SLC35A1: variants seen among roughly 807,000 people sequenced by gnomAD.
The protein encoded by SLC35A1 is CMP-sialic acid transporter.
SLC35A1 carries 21 observed loss-of-function variants against 40.3 expected under a neutral mutation model. That is an observed-to-expected ratio of 0.52 (90% CI 0.37 to 0.75). The LOEUF (loss-of-function observed/expected upper bound fraction) is 0.75, where lower values mean the gene tolerates loss of function less well. Ranked by LOEUF, SLC35A1 falls within the 30% of genes least tolerant of loss-of-function variation. SLC35A1 has a pLI of 0.00. For missense variants in SLC35A1, 297 were observed against 382.1 expected (o/e 0.78, Z 1.86); for synonymous variants, 146 against 147.3 (o/e 0.99, Z 0.06).
rs1010727713 is a variant in SLC35A1 at position 87,477,222 on chromosome 6, GA to G, written c.17-133del. 19 of 724,230 alleles carry G rather than the reference GA, an allele frequency of 2.6e-5. No homozygotes were observed. The East Asian group carries it at 4.6e-4, about 18-fold the overall frequency. 44.9% of individuals were successfully genotyped at this position (724,230 alleles called of 1,614,324 possible). A position where few individuals can be genotyped will look rare whatever the true frequency, so the allele number is the denominator to read the frequency against. On this transcript the variant is annotated intron_variant, in intron 1 of 7. Coordinates refer to ENST00000369552, the MANE Select transcript of SLC35A1 (RefSeq NM_006416.5). The stretch of plus-strand genomic sequence containing the variant: ...TCATGTAATTGGCAAACATTGTTTT[GA>G]AAAAAATTTTTAAGCATGAGTTTTA...
chr6:87,480,496 A>G (rs1190302080), intron 2 of SLC35A1, among the ~76,000 whole-genome samples: 2 of 152,206 alleles, frequency 1.3e-5, no homozygotes, highest in African/African-American at 4.8e-5. Context: ...GTCAATAGCT[A>G]TGGTTTGCCT....
chr6:87,506,505 T>C, intron 5 of SLC35A1, 57 bp downstream of exon 5: 1 of 1,294,238 alleles, frequency 7.7e-7, no homozygotes, highest in Non-Finnish European at 1.1e-6. Flanking sequence ...AACATCAAAC[T>C]TTAGACACCA....
intron 2 of SLC35A1, among the ~76,000 whole-genome samples, chr6:87,493,480 G>A (rs1022063231): frequency 6.7e-6 from 1 of 150,344 alleles, no homozygotes; most frequent in East Asian, 2.0e-4. Context: ...GTGTGTGTGT[G>A]TGTATAACAA....
intron 2 of SLC35A1, among the ~76,000 whole-genome samples, chr6:87,497,704 C>T (rs1430640694): frequency 6.6e-6 from 1 of 151,906 alleles, no homozygotes; most frequent in Non-Finnish European, 1.5e-5. Flanking sequence ...CGTTTGTTAC[C>T]AGTGAAGGCT....
intron 2 of SLC35A1, among the ~76,000 whole-genome samples, chr6:87,486,454 A>T (rs1431506583): frequency 6.6e-6 from 1 of 152,226 alleles, no homozygotes; most frequent in East Asian, 1.9e-4. Context: ...GAAAATACCT[A>T]TCAAACCTCA....
intron 2 of SLC35A1, among the ~76,000 whole-genome samples, chr6:87,493,577 A>G (rs1769624863): frequency 6.6e-6 from 1 of 152,074 alleles, no homozygotes; most frequent in African/African-American, 2.4e-5. Context: ...TTGTTCCCTT[A>G]TCTAATGGTG....
chr6:87,500,611 G>C lies in SLC35A1; in HGVS notation c.298G>C (p.Val100Leu). Residue 100 changes from valine (V) to leucine (L), a missense_variant, in exon 3 of 8, where the codon GTT (valine) becomes CTT (leucine). Physicochemically the swap from Val to Leu is conservative, Grantham distance 32. Transcript: ENST00000369552. Reference protein sequence around the residue: ...KLSVPSLVYAVQNNMAFLALS... With the variant: ...KLSVPSLVYALQNNMAFLALS... ...AAGTGTGCCATCGTTAGTGTATGCT[G>C]TTCAGAACAACATGGCTTTCCTAGC... 1.9e-6 allele frequency: 3 copies of C among 1,614,166 alleles called. No homozygotes were observed. The highest frequency in any genetic ancestry group is 2.2e-5 in the South Asian group (2 of 91,082).
chr6:87,485,734 G>C (rs1207038004), intron 2 of SLC35A1, among the ~76,000 whole-genome samples: 1 of 151,868 alleles, frequency 6.6e-6, no homozygotes, highest in Non-Finnish European at 1.5e-5. Context: ...ACTCTAGCCT[G>C]GGCAACAGAG....
chr6:87,491,906 A>G (rs1044973472), intron 2 of SLC35A1, among the ~76,000 whole-genome samples: 5 of 152,210 alleles, frequency 3.3e-5, no homozygotes, highest in Admixed American at 1.3e-4. Context: ...TCCAAATACT[A>G]ATCACATTTG....
rs1260139940 is a variant in SLC35A1 at position 87,511,772 on chromosome 6, A to G, written c.*246A>G. 1.9e-5 allele frequency: 9 copies of G among 484,312 alleles called. No individual in the cohort carries two copies. The highest frequency in any genetic ancestry group is 2.6e-5 in the Non-Finnish European group (7 of 265,830). The allele number at this position is 484,312 out of a possible 1,614,324, so 30.0% of individuals were successfully genotyped here. The stretch of plus-strand genomic sequence containing the variant: ...GAAGGAATTGTATTATTGTGTGTAT[A>G]TATAATTTGTAAATAAAAAGTATGG... On this transcript the variant is annotated 3_prime_UTR_variant, in exon 8 of 8. Transcript: ENST00000369552.
At chr6:87,473,701 T>C (rs1228676777) in intron 1 of SLC35A1, among the ~76,000 whole-genome samples, 1 of 152,202 alleles carries the variant, frequency 6.6e-6, no homozygotes, top group African/African-American at 2.4e-5. Flanking sequence ...TGTTGACTAA[T>C]TGACATTTAA....
At chr6:87,481,880 A>G (rs921053085) in intron 2 of SLC35A1, among the ~76,000 whole-genome samples, 2 of 152,236 alleles carry the variant, frequency 1.3e-5, no homozygotes, top group African/African-American at 4.8e-5. Context: ...TTTACAATTA[A>G]CATTTTAAAA....
chr6:87,486,644 A>G (rs1769400581), intron 2 of SLC35A1, among the ~76,000 whole-genome samples: 1 of 152,206 alleles, frequency 6.6e-6, no homozygotes, highest in Non-Finnish European at 1.5e-5. Context: ...GAGGGCCTGC[A>G]TTTGGATTAA....
At chr6:87,500,745 A>G in intron 3 of SLC35A1, 78 bp downstream of exon 3, 1 of 1,390,502 alleles carries the variant, frequency 7.2e-7, no homozygotes, top group Non-Finnish European at 9.9e-7. Flanking sequence ...TTATCATATT[A>G]TCAATTTTTT....
In SLC35A1 at chr6:87,511,707, T is replaced by C; in HGVS notation, c.*181T>C. 1.5e-6 allele frequency: 1 copy of C among 676,714 alleles called. No homozygotes were observed. The highest frequency in any genetic ancestry group is 1.6e-5 in the South Asian group (1 of 61,092). 41.9% of individuals were successfully genotyped at this position (676,714 alleles called of 1,614,324 possible). A position where few individuals can be genotyped will look rare whatever the true frequency, so the allele number is the denominator to read the frequency against. On this transcript the variant is annotated 3_prime_UTR_variant, in exon 8 of 8. Transcript: ENST00000369552. Reference sequence around the variant, plus strand: ...CTGAGTGAACTGCTAATACAGAAACTTAATGTAGACCTGTTTGGGGTCTAC... The same window carrying C: ...CTGAGTGAACTGCTAATACAGAAACCTAATGTAGACCTGTTTGGGGTCTAC...
chr6:87,473,572 C>T (rs1768983194), intron 1 of SLC35A1, among the ~76,000 whole-genome samples: 2 of 152,220 alleles, frequency 1.3e-5, no homozygotes, highest in African/African-American at 4.8e-5. Flanking sequence ...CAGTCGTTAA[C>T]AGTTCCCACC....
chr6:87,509,292 T>G, intron 7 of SLC35A1, 117 bp downstream of exon 7: 1 of 1,273,456 alleles, frequency 7.9e-7, no homozygotes, highest in South Asian at 1.2e-5. Context: ...ATTCCTAGCT[T>G]TGTTACTACA....
chr6:87,511,370 G>A, intron 7 of SLC35A1, 29 bp from the exon 8 acceptor site: 1 of 1,611,576 alleles, frequency 6.2e-7, no homozygotes, highest in Non-Finnish European at 8.5e-7. Flanking sequence ...CACACATACA[G>A]ATAAAGCTAT....
At chr6:87,489,831 ATT>A (rs35994719) in intron 2 of SLC35A1, among the ~76,000 whole-genome samples, 80 of 141,212 alleles carry the variant, frequency 5.7e-4, no homozygotes, top group Admixed American at 5.7e-4. Context: ...GCCTGGCCAA[ATT>A]TTTTTTTTTT....
Sources: allele counts gnomAD v4.1 joint callset (sites outside exome capture counted in the v4.1 genomes callset), GRCh38; gene constraint gnomAD v4.1.1; transcripts MANE v1.5; gene names NCBI Gene and HGNC (gene_info 2026-07-23, HGNC 2026-07-21).